The following BRINP3 variants were observed in gnomAD, a reference collection of about 807,000 sequenced individuals.
BRINP3 encodes BMP/retinoic acid-inducible neural-specific protein 3.
BRINP3 carries 19 observed loss-of-function variants against 71.0 expected under a neutral mutation model. The observed-to-expected ratio is 0.27, with a 90% CI of 0.19 to 0.39. The LOEUF (loss-of-function observed/expected upper bound fraction) is 0.39. BRINP3 is among the 10% of genes least tolerant of loss of function. The pLI is 1.00. For missense variants in BRINP3, 959 were observed against 940.8 expected (o/e 1.02, Z -0.25); for synonymous variants, 380 against 337.7 (o/e 1.13, Z -1.37).
chr1:190,122,105 T>A (rs1653715405), intron 7 of BRINP3, among the ~76,000 whole-genome samples: 1 of 152,150 alleles, frequency 6.6e-6, no homozygotes, highest in Non-Finnish European at 1.5e-5. Flanking sequence ...AGATATACCA[T>A]CAACTTTAAT....
chr1:190,139,820 C>T (rs1366315786), intron 7 of BRINP3, among the ~76,000 whole-genome samples: 2 of 152,042 alleles, frequency 1.3e-5, no homozygotes, highest in Non-Finnish European at 2.9e-5. Context: ...TGTTTGTAGG[C>T]CCAATATTAT....
chr1:190,132,020 G>A (rs1277549322), intron 7 of BRINP3, among the ~76,000 whole-genome samples: 2 of 152,008 alleles, frequency 1.3e-5, no homozygotes, highest in African/African-American at 4.8e-5. Context: ...GGACTTGACT[G>A]AAATGAAAGT....
chr1:190,282,779 G>A (rs1423858553), intron 2 of BRINP3, among the ~76,000 whole-genome samples: 1 of 151,876 alleles, frequency 6.6e-6, no homozygotes, highest in Non-Finnish European at 1.5e-5. Context: ...AATAAAGACA[G>A]AAAATTAAAT....
chr1:190,303,353 A>G (rs976536590), intron 2 of BRINP3, among the ~76,000 whole-genome samples: 1 of 151,750 alleles, frequency 6.6e-6, no homozygotes, highest in Non-Finnish European at 1.5e-5. Context: ...AGATGAGGGT[A>G]ATCATTCTTT....
chr1:190,421,808 A>G (rs1334714539), intron 2 of BRINP3, among the ~76,000 whole-genome samples: 1 of 151,872 alleles, frequency 6.6e-6, no homozygotes, highest in Non-Finnish European at 1.5e-5. Flanking sequence ...CAAAGTGGTC[A>G]TGATTATGAA....
chr1:190,319,660 G>T (rs1036853248), intron 2 of BRINP3, among the ~76,000 whole-genome samples: 3 of 152,042 alleles, frequency 2.0e-5, no homozygotes, highest in African/African-American at 7.2e-5. Flanking sequence ...ATTGAGGGAA[G>T]AGGTGCCACA....
At chr1:190,213,321 C>A (rs544884825) in intron 6 of BRINP3, among the ~76,000 whole-genome samples, 1 of 152,118 alleles carries the variant, frequency 6.6e-6, no homozygotes, top group South Asian at 2.1e-4. Flanking sequence ...ATTTCACAAC[C>A]AATACACAAC....
intron 2 of BRINP3, among the ~76,000 whole-genome samples, chr1:190,351,032 G>A (rs1371835249): frequency 2.0e-5 from 3 of 151,886 alleles, no homozygotes; most frequent in Admixed American, 6.6e-5. Context: ...TCAAACTCCC[G>A]ACCTTGGGTG....
chr1:190,465,646 A>G (rs1203088819), intron 1 of BRINP3, among the ~76,000 whole-genome samples: 1 of 151,610 alleles, frequency 6.6e-6, no homozygotes, highest in Non-Finnish European at 1.5e-5. Flanking sequence ...TTTTCCATCC[A>G]CTGATCCCCA....
intron 2 of BRINP3, among the ~76,000 whole-genome samples, chr1:190,445,643 T>G (rs1675167590): frequency 6.6e-6 from 1 of 151,932 alleles, no homozygotes; most frequent in Non-Finnish European, 1.5e-5. Flanking sequence ...AAAACCCAGT[T>G]TTTTTCCTCT....
intron 3 of BRINP3, among the ~76,000 whole-genome samples, chr1:190,265,628 G>C (rs1443953647): frequency 6.6e-6 from 1 of 150,910 alleles, no homozygotes; most frequent in Non-Finnish European, 1.5e-5. Flanking sequence ...GCAGAAGAAT[G>C]GCGTGAACCC....
intron 2 of BRINP3, among the ~76,000 whole-genome samples, chr1:190,420,853 G>T (rs1558271218): frequency 1.3e-5 from 2 of 151,792 alleles, no homozygotes; most frequent in East Asian, 1.9e-4. Flanking sequence ...GTTAGAAAAA[G>T]ACAATGTTTC....
intron 4 of BRINP3, among the ~76,000 whole-genome samples, chr1:190,258,474 A>T (rs1314587731): frequency 2.0e-5 from 3 of 152,084 alleles, no homozygotes; most frequent in Non-Finnish European, 4.4e-5. Context: ...TCATTCTTGG[A>T]AAAGATCAAC....
chr1:190,299,118 A>G (rs1187687008), intron 2 of BRINP3, among the ~76,000 whole-genome samples: 2 of 151,984 alleles, frequency 1.3e-5, no homozygotes, highest in Non-Finnish European at 2.9e-5. Flanking sequence ...TATAGTCACT[A>G]CTTCTTTTTC....
chr1:190,170,999 A>G (rs1439632556), intron 6 of BRINP3, among the ~76,000 whole-genome samples: 1 of 152,152 alleles, frequency 6.6e-6, no homozygotes, highest in Non-Finnish European at 1.5e-5. Context: ...CCTGCTATGT[A>G]ATGCCTGGAG....
chr1:190,129,497 T>C (rs189494452), intron 7 of BRINP3, among the ~76,000 whole-genome samples: 3 of 152,096 alleles, frequency 2.0e-5, no homozygotes, highest in East Asian at 1.9e-4. Context: ...AATTACAGCA[T>C]TGTTCTTTTA....
chr1:190,335,441 A>G (rs10920697), intron 2 of BRINP3, among the ~76,000 whole-genome samples: 2,380 of 151,960 alleles, frequency 0.016, 58 homozygotes, highest in African/African-American at 0.054. Flanking sequence ...AAAAAATGAT[A>G]ATTTTTTACT....
chr1:190,308,876 G>A (rs1665315854), intron 2 of BRINP3, among the ~76,000 whole-genome samples: 1 of 151,878 alleles, frequency 6.6e-6, no homozygotes, highest in African/African-American at 2.4e-5. Context: ...GTGGAAAACA[G>A]TATGGCAGTT....
intron 2 of BRINP3, among the ~76,000 whole-genome samples, chr1:190,299,976 C>T (rs1664550548): frequency 6.6e-6 from 1 of 151,992 alleles, no homozygotes; most frequent in Non-Finnish European, 1.5e-5. Context: ...TCTGGCTGCC[C>T]TTAACTTTTT....
Sources: gnomAD v4.1 joint callset for allele counts (sites outside exome capture counted in the v4.1 genomes callset) on GRCh38, gnomAD v4.1.1 for gene constraint, MANE v1.5 for transcripts, NCBI Gene and HGNC (gene_info 2026-07-23, HGNC 2026-07-21) for gene names.